The following RASEF variants were observed in gnomAD, a reference collection of about 807,000 sequenced individuals.
RASEF encodes the protein RAS and EF-hand domain containing.
In RASEF, 68 loss-of-function variants were observed where a neutral mutation model predicts 90.1. The ratio of observed to expected loss-of-function variants is 0.75; its 90% CI spans 0.62 to 0.92. The LOEUF is 0.92. RASEF is among the 40% of genes least tolerant of loss of function. RASEF has a pLI of 0.00. For synonymous variants in RASEF, 331 were observed against 345.2 expected (o/e 0.96, Z 0.46); for missense variants, 949 against 937.2 (o/e 1.01, Z -0.16).
At chr9:83,210,678 G>C in the RASEF span, among the ~76,000 whole-genome samples, 3 of 152,072 alleles carry the variant, frequency 2.0e-5, no homozygotes, top group Admixed American at 6.6e-5. Flanking sequence ...TTATTATATT[G>C]GTCATTTTAA....
At chr9:83,008,909 T>TATATAC (rs1829184000) in intron 6 of RASEF, among the ~76,000 whole-genome samples, 1 of 121,664 alleles carries the variant, frequency 8.2e-6, no homozygotes, top group East Asian at 2.6e-4. Context: ...TATATATATA[T>TATATAC]ATATATATAT....
intron 16 of RASEF, among the ~76,000 whole-genome samples, chr9:82,985,392 C>T (rs917692228): frequency 1.1e-4 from 17 of 152,096 alleles, no homozygotes; most frequent in African/African-American, 3.9e-4. Context: ...GAAAGATCGG[C>T]CCCCATGACT....
intron 1 of RASEF, among the ~76,000 whole-genome samples, chr9:83,030,247 C>T (rs1829620701): frequency 6.6e-6 from 1 of 152,100 alleles, no homozygotes; most frequent in South Asian, 2.1e-4. Context: ...GTCCCAGCTA[C>T]TCGGGAGGCT....
At chr9:83,004,384 T>C in intron 9 of RASEF, 114 bp downstream of exon 9, 3 of 606,894 alleles carry the variant, frequency 4.9e-6, no homozygotes, top group Non-Finnish European at 8.7e-6. Context: ...TCATAGAAAA[T>C]ATAAATTAGT....
At chr9:83,181,452 G>A in the RASEF span, among the ~76,000 whole-genome samples, 2 of 152,148 alleles carry the variant, frequency 1.3e-5, no homozygotes, top group Admixed American at 1.3e-4. Flanking sequence ...GATTTTGAAA[G>A]GTTTTGCTAA....
chr9:83,021,283 A>G (rs747510586), intron 3 of RASEF, among the ~76,000 whole-genome samples: 48 of 152,194 alleles, frequency 3.2e-4, no homozygotes, highest in Admixed American at 1.0e-3. Context: ...TATTTTCCCA[A>G]TGCCACCTAG....
chr9:83,090,876 T>A, the RASEF span, among the ~76,000 whole-genome samples: 7 of 152,154 alleles, frequency 4.6e-5, no homozygotes, highest in East Asian at 5.8e-4. Flanking sequence ...TAATAATAAT[T>A]ATTATTATGA....
At chr9:83,213,654 C>T in the RASEF span, among the ~76,000 whole-genome samples, 2 of 152,148 alleles carry the variant, frequency 1.3e-5, no homozygotes, top group Non-Finnish European at 2.9e-5. Context: ...TAAGCCAGGA[C>T]CCAGGTGAGA....
intron 1 of RASEF, among the ~76,000 whole-genome samples, chr9:83,055,987 G>A (rs1041215964): frequency 2.0e-5 from 3 of 152,144 alleles, no homozygotes; most frequent in Non-Finnish European, 2.9e-5. Flanking sequence ...TGAGAAACAA[G>A]GTCAGGGTCA....
At chr9:83,148,495 T>C in the RASEF span, among the ~76,000 whole-genome samples, 1 of 152,104 alleles carries the variant, frequency 6.6e-6, no homozygotes, top group African/African-American at 2.4e-5. Context: ...AGCCAGAGAT[T>C]GCTAACAAAC....
At chr9:83,211,289 A>G in the RASEF span, among the ~76,000 whole-genome samples, 1 of 151,652 alleles carries the variant, frequency 6.6e-6, no homozygotes, top group Non-Finnish European at 1.5e-5. Context: ...TTTCTTTTAT[A>G]TTTTTAGAGC....
intron 1 of RASEF, among the ~76,000 whole-genome samples, chr9:83,027,119 A>AATGGAAGAGATGCTTTGGGCAAGGT (rs1829562744): frequency 6.6e-6 from 1 of 152,192 alleles, no homozygotes; most frequent in Non-Finnish European, 1.5e-5. Flanking sequence ...AGGATGGCCA[A>AATGGAAGAGATGCTTTGGGCAAGGT]ATGGAAGAGA....
chr9:83,134,460 A>G, the RASEF span, among the ~76,000 whole-genome samples: 4 of 151,586 alleles, frequency 2.6e-5, no homozygotes, highest in South Asian at 8.3e-4. Flanking sequence ...ATATATATAT[A>G]TCAGATAAGA....
chr9:83,103,462 A>T, the RASEF span, among the ~76,000 whole-genome samples: 1 of 152,194 alleles, frequency 6.6e-6, no homozygotes, highest in African/African-American at 2.4e-5. Flanking sequence ...GCTTTAAATT[A>T]TTCCAGCAAA....
At chr9:82,999,381 G>A (rs189013475) in intron 12 of RASEF, among the ~76,000 whole-genome samples, 189 of 152,184 alleles carry the variant, frequency 1.2e-3, no homozygotes, top group African/African-American at 4.1e-3. Context: ...GCCACCCTGC[G>A]TAAAACCGCA....
At chr9:83,103,239 C>A in the RASEF span, among the ~76,000 whole-genome samples, 5 of 152,174 alleles carry the variant, frequency 3.3e-5, no homozygotes, top group Admixed American at 1.3e-4. Flanking sequence ...CTGAGAATAT[C>A]ATTTAGCCAC....
chr9:83,209,312 A>ACAC, the RASEF span, among the ~76,000 whole-genome samples: 2 of 152,268 alleles, frequency 1.3e-5, no homozygotes, highest in Non-Finnish European at 2.9e-5. Flanking sequence ...ACAGTAAGTT[A>ACAC]CACACTTGGC....
At chr9:83,049,191 C>A in intron 1 of RASEF, 1 of 366,302 alleles carries the variant, frequency 2.7e-6, no homozygotes. Context: ...TAACATATTA[C>A]ACTTAACTAT....
the RASEF span, among the ~76,000 whole-genome samples, chr9:83,092,998 T>A: frequency 1.3e-5 from 2 of 150,954 alleles, no homozygotes; most frequent in African/African-American, 4.9e-5. Context: ...AAAGTGCCGA[T>A]TGGTGTATTT....
Sources: gnomAD v4.1 joint callset for allele counts (sites outside exome capture counted in the v4.1 genomes callset) on GRCh38, gnomAD v4.1.1 for gene constraint, MANE v1.5 for transcripts, NCBI Gene and HGNC (gene_info 2026-07-23, HGNC 2026-07-21) for gene names.